The following BZW1 variants were observed in gnomAD, a reference collection of about 807,000 sequenced individuals.
BZW1 encodes the protein basic leucine zipper and W2 domains 1.
BZW1 carries 3 observed loss-of-function variants against 54.1 expected under a neutral mutation model. The ratio of observed to expected loss-of-function variants is 0.06; its 90% CI spans 0.03 to 0.14. The LOEUF (loss-of-function observed/expected upper bound fraction) is 0.14. Ranked by LOEUF, BZW1 falls within the 10% of genes least tolerant of loss-of-function variation. BZW1 has a pLI of 1.00. For synonymous variants in BZW1, 152 were observed against 162.7 expected, an observed-to-expected ratio of 0.93 and a Z score of 0.50; for missense variants, 206 against 491.7, an observed-to-expected ratio of 0.42 and a Z score of 5.50.
At chr2:200,817,400 C>T (rs2038334283) in intron 6 of BZW1, among the ~76,000 whole-genome samples, 159 bp downstream of exon 6, 1 of 152,126 alleles carries the variant, frequency 6.6e-6, no homozygotes, top group Admixed American at 6.6e-5. Flanking sequence ...TAATGAATAC[C>T]TTTGGCATCC....
chr2:200,815,396 A>G lies in BZW1; in HGVS notation c.120A>G (p.Leu40=), dbSNP rs2038248652. 6.2e-7 allele frequency: 1 copy of G among 1,614,008 alleles called. No individual in the cohort carries two copies. Among genetic ancestry groups the G allele is most frequent in the South Asian group, 1.1e-5 (1 of 91,080 alleles). The change falls in exon 3 of 12, where the codon TTA becomes TTG. Residue 40 remains leucine, a synonymous_variant. Transcript: ENST00000409600. The part of the protein sequence containing the change: ...TQFQDCIIQG[L]TETGTDLEAV... ...TTCAAGACTGTATTATTCAAGGCTT[A>G]ACTGAAACCGGTACTGATTTGGAAG...
intron 10 of BZW1, among the ~76,000 whole-genome samples, chr2:200,820,790 T>A (rs1334863043): frequency 6.6e-6 from 1 of 152,230 alleles, no homozygotes; most frequent in Non-Finnish European, 1.5e-5. Flanking sequence ...CTGTTCATCT[T>A]ACTCCCCCAC....
At chr2:200,811,897 T>A, upstream of BZW1, 1 of 207,134 alleles carries the variant, frequency 4.8e-6, no homozygotes, top group Non-Finnish European at 9.6e-6. Flanking sequence ...CACCTCTCCC[T>A]CCTCCTGGCG....
chr2:200,826,922 G>C lies in BZW1; in HGVS notation c.*4744G>C, dbSNP rs2038716659. On this transcript the variant is annotated 3_prime_UTR_variant, in exon 12 of 12. Transcript: ENST00000409600. ...GCTAGTTCATGCTAATATTCTTAAG[G>C]ACAAAAATAGTTTACAGCTTTTTTT... The C allele has an allele frequency of 6.6e-6, 1 of 150,388 alleles. No individual in the cohort carries two copies. The highest frequency in any genetic ancestry group is 2.1e-4 in the South Asian group (1 of 4,814). The allele number at this position is 150,388 out of a possible 1,614,324, so 9.3% of individuals were successfully genotyped here. A position where few individuals can be genotyped will look rare whatever the true frequency, so the allele number is the denominator to read the frequency against.
chr2:200,812,981 A>G (rs917887632), intron 1 of BZW1: 2 of 690,340 alleles, frequency 2.9e-6, no homozygotes, highest in Non-Finnish European at 5.4e-6. Context: ...AAAGTAGTTC[A>G]CAGCACTAAT....
rs1443226268 is a variant in BZW1 at position 200,824,712 on chromosome 2, A to AC, written c.*2536dup. 2.2e-5 allele frequency: 3 copies of AC among 135,158 alleles called. No individual in the cohort carries two copies. The highest frequency in any genetic ancestry group is 4.6e-5 in the Non-Finnish European group (3 of 65,526). The allele number at this position is 135,158 out of a possible 1,614,324, so 8.4% of individuals were successfully genotyped here. On this transcript the variant is annotated 3_prime_UTR_variant, in exon 12 of 12. Transcript: ENST00000409600. ...TTTTGAGACGGAGTCTCGCTCTGTC[A>AC]CCAGGCTGGAGTGCAGTGGCGCGAT...
In BZW1 at chr2:200,815,901, A is replaced by G. The variant is rs1041624169; in HGVS notation, c.336+140A>G. On this transcript the variant is annotated intron_variant, in intron 4 of 11. Coordinates refer to ENST00000409600, the MANE Select transcript of BZW1 (RefSeq NM_001207067.2). ...TTTTAGGGATACTGTTCTTGGTGCA[A>G]CGGGATGAATTAGAAACTTAAGGTG... 1.2e-5 allele frequency: 10 copies of G among 818,888 alleles called. 1 individual carries two copies. The highest frequency in any genetic ancestry group is 1.1e-4 in the African/African-American group (6 of 56,942). The allele number at this position is 818,888 out of a possible 1,614,324, so 50.7% of individuals were successfully genotyped here. A position where few individuals can be genotyped will look rare whatever the true frequency, so the allele number is the denominator to read the frequency against.
chr2:200,819,472 T>C (rs888038218), intron 9 of BZW1, among the ~76,000 whole-genome samples: 46 of 152,066 alleles, frequency 3.0e-4, no homozygotes, highest in African/African-American at 6.0e-4. Flanking sequence ...TAGGAATTTT[T>C]CCCCCCCTCT....
At position 200,814,208 on chromosome 2, in the gene BZW1, G is replaced by T. The variant is rs115085551; in HGVS notation, c.64+927G>T. ...GGAAAGTGTATCTCTTGAATATGTG[G>T]GTTACTGATGTTACCTTGATACAAA... On this transcript the variant is annotated intron_variant, in intron 2 of 11. Coordinates refer to ENST00000409600, the MANE Select transcript of BZW1 (RefSeq NM_001207067.2). Among the ~76,000 whole-genome samples the T allele has an allele frequency of 1.4e-3, 206 of 152,246 alleles. 1 individual carries two copies. The highest frequency in any genetic ancestry group is 4.8e-3 in the African/African-American group (199 of 41,522).
Position 200,824,370 on chromosome 2 carries a change from G to A in BZW1, c.*2192G>A, listed in dbSNP as rs1386917613. 1 of 152,002 alleles carries A rather than the reference G, an allele frequency of 6.6e-6. No homozygotes were observed. Among genetic ancestry groups the A allele is most frequent in the Non-Finnish European group, 1.5e-5 (1 of 67,996 alleles). 9.4% of individuals were successfully genotyped at this position (152,002 alleles called of 1,614,324 possible). A position where few individuals can be genotyped will look rare whatever the true frequency, so the allele number is the denominator to read the frequency against. Reference sequence around the variant, plus strand: ...TTAAATTGTACTTTTAATTATGATTGGATAAATGTTTTTTCTAACTGTCAG... The same window carrying A: ...TTAAATTGTACTTTTAATTATGATTAGATAAATGTTTTTTCTAACTGTCAG... On this transcript the variant is annotated 3_prime_UTR_variant, in exon 12 of 12. Coordinates refer to ENST00000409600, the MANE Select transcript of BZW1 (RefSeq NM_001207067.2).
At chr2:200,816,087 G>T (rs1487937363) in intron 4 of BZW1, among the ~76,000 whole-genome samples, 1 of 152,196 alleles carries the variant, frequency 6.6e-6, no homozygotes, top group Non-Finnish European at 1.5e-5. Flanking sequence ...AGTTAAATGA[G>T]TTGTGAGCTG....
Position 200,824,543 on chromosome 2 carries a change from C to CA in BZW1, c.*2370dup, listed in dbSNP as rs2038641060. The CA allele has an allele frequency of 6.6e-6, 1 of 151,038 alleles. No individual in the cohort carries two copies. The allele number at this position is 151,038 out of a possible 1,614,324, so 9.4% of individuals were successfully genotyped here. Reference sequence around the variant, plus strand: ...TTTAAAAAAAAAAACCTCCATATACCAAAAATGCTACAGGATATTTTGAAA... The same window carrying CA: ...TTTAAAAAAAAAAACCTCCATATACCAAAAAATGCTACAGGATATTTTGAAA... On this transcript the variant is annotated 3_prime_UTR_variant, in exon 12 of 12. Coordinates refer to ENST00000409600, the MANE Select transcript of BZW1 (RefSeq NM_001207067.2).
At position 200,822,286 on chromosome 2, in the gene BZW1, A is replaced by G; in HGVS notation, c.*108A>G. 1 of 966,786 alleles carries G rather than the reference A, an allele frequency of 1.0e-6. No homozygotes were observed. Among genetic ancestry groups the G allele is most frequent in the Non-Finnish European group, 1.5e-6 (1 of 654,650 alleles). 59.9% of individuals were successfully genotyped at this position (966,786 alleles called of 1,614,324 possible). On this transcript the variant is annotated 3_prime_UTR_variant, in exon 12 of 12. Transcript: ENST00000409600. ...CCTACCTCCCTGTATCAAGCATGAT[A>G]TAAGGGCTTTCATGGCAAATTTTAT...
Position 200,824,647 on chromosome 2 carries a change from T to G in BZW1, c.*2469T>G, listed in dbSNP as rs2038643296. 1 of 151,756 alleles carries G rather than the reference T, an allele frequency of 6.6e-6. No individual in the cohort carries two copies. The highest frequency in any genetic ancestry group is 2.4e-5 in the African/African-American group (1 of 41,346). The allele number at this position is 151,756 out of a possible 1,614,324, so 9.4% of individuals were successfully genotyped here. A position where few individuals can be genotyped will look rare whatever the true frequency, so the allele number is the denominator to read the frequency against. On this transcript the variant is annotated 3_prime_UTR_variant, in exon 12 of 12. Transcript: ENST00000409600. ...TCAGTTTTTCAAAAGCTTTTTTCCA[T>G]TATCATACCCCCAGCCTTTTTAGGC...
chr2:200,824,991 T>C lies in BZW1; in HGVS notation c.*2813T>C, dbSNP rs1423686743. The C allele has an allele frequency of 6.6e-6, 1 of 151,468 alleles. No individual in the cohort carries two copies. Among genetic ancestry groups the C allele is most frequent in the Non-Finnish European group, 1.5e-5 (1 of 67,916 alleles). The allele number at this position is 151,468 out of a possible 1,614,324, so 9.4% of individuals were successfully genotyped here. A position where few individuals can be genotyped will look rare whatever the true frequency, so the allele number is the denominator to read the frequency against. On this transcript the variant is annotated 3_prime_UTR_variant, in exon 12 of 12. Transcript: ENST00000409600. ...CCAGCTAGACTTTTTTCTAATAGAGTCCCCCATAAATTTTATTACCATAGA... is the reference window on the plus strand; with the variant it reads ...CCAGCTAGACTTTTTTCTAATAGAGCCCCCCATAAATTTTATTACCATAGA...
Position 200,824,905 on chromosome 2 carries a change from C to G in BZW1, c.*2727C>G, listed in dbSNP as rs567119756. ...GCGAGGATGGTCTCAATCTCCTGAC[C>G]TTGTGATCCACCCGCCTCAGCCTCC... On this transcript the variant is annotated 3_prime_UTR_variant, in exon 12 of 12. Coordinates refer to ENST00000409600, the MANE Select transcript of BZW1 (RefSeq NM_001207067.2). The G allele has an allele frequency of 1.3e-5, 2 of 152,120 alleles. No individual in the cohort carries two copies. The highest frequency in any genetic ancestry group is 1.5e-5 in the Non-Finnish European group (1 of 68,050). 9.4% of individuals were successfully genotyped at this position (152,120 alleles called of 1,614,324 possible). A position where few individuals can be genotyped will look rare whatever the true frequency, so the allele number is the denominator to read the frequency against.
intron 11 of BZW1, 60 bp from the exon 12 acceptor site, chr2:200,822,087 T>TA: frequency 2.7e-6 from 4 of 1,475,672 alleles, no homozygotes; most frequent in Non-Finnish European, 3.7e-6. Flanking sequence ...TTCAAAGTTA[T>TA]AAATGGGAAC....
At chr2:200,812,288 G>T (rs919272925) in intron 1 of BZW1, 45 of 1,232,500 alleles carry the variant, frequency 3.7e-5, no homozygotes, top group Non-Finnish European at 4.5e-5. Context: ...TAACAAAGCC[G>T]CCGCGGCCTC....
At chr2:200,815,542 TA>T (rs1315315970) in intron 3 of BZW1, 25 bp downstream of exon 3, 1 of 1,612,688 alleles carries the variant, frequency 6.2e-7, no homozygotes, top group East Asian at 2.2e-5. Flanking sequence ...TTTGTGGGCT[TA>T]ATAATTTAGA....
Sources: gnomAD v4.1 joint callset for allele counts (sites outside exome capture counted in the v4.1 genomes callset) on GRCh38, gnomAD v4.1.1 for gene constraint, MANE v1.5 for transcripts, NCBI Gene and HGNC (gene_info 2026-07-23, HGNC 2026-07-21) for gene names.